The following TEX26 variants were observed in gnomAD, a reference collection of about 807,000 sequenced individuals.
TEX26 encodes testis expressed 26, also known as testis-expressed protein 26.
TEX26 carries 34 observed loss-of-function variants against 35.3 expected under a neutral mutation model. That is an observed-to-expected ratio of 0.96 (90% CI 0.73 to 1.28). The LOEUF (loss-of-function observed/expected upper bound fraction) is 1.28. Ranked by LOEUF, TEX26 falls within the 50% of genes most tolerant of loss-of-function variation. The probability of loss-of-function intolerance (pLI) is 0.00; values close to 1 mark genes in which losing one functional copy is unlikely to be tolerated. For synonymous variants in TEX26, 136 were observed against 111.8 expected (o/e 1.22, Z -1.36); for missense variants, 371 against 330.1 (o/e 1.12, Z -0.96).
intron 2 of TEX26, among the ~76,000 whole-genome samples, chr13:30,945,353 A>G (rs1006348658): frequency 1.3e-5 from 2 of 151,760 alleles, no homozygotes; most frequent in African/African-American, 4.8e-5. Flanking sequence ...GTTTTAGATC[A>G]GTCTCTTGAA....
intron 3 of TEX26, among the ~76,000 whole-genome samples, chr13:30,953,053 A>G (rs1165149280): frequency 6.6e-6 from 1 of 152,134 alleles, no homozygotes; most frequent in Non-Finnish European, 1.5e-5. Context: ...TTGAAGTGAA[A>G]TTTACGTAAT....
intron 6 of TEX26, 69 bp from the exon 7 acceptor site, chr13:30,974,777 G>A (rs1413525127): frequency 1.4e-6 from 2 of 1,421,968 alleles, no homozygotes; most frequent in Non-Finnish European, 1.9e-6. Context: ...TTCCTTCATA[G>A]AATTTCCCAA....
At chr13:30,936,010 T>C (rs765451262) in intron 1 of TEX26, among the ~76,000 whole-genome samples, 1 of 152,204 alleles carries the variant, frequency 6.6e-6, no homozygotes, top group Non-Finnish European at 1.5e-5. Flanking sequence ...GATTTCCTAA[T>C]CTCGAAATCT....
intron 4 of TEX26, among the ~76,000 whole-genome samples, chr13:30,960,443 C>T (rs947864080): frequency 2.0e-5 from 3 of 152,116 alleles, no homozygotes; most frequent in Non-Finnish European, 2.9e-5. Flanking sequence ...CAGGATTTCA[C>T]CATGTTGCCC....
chr13:30,972,259 G>A (rs931633888), intron 6 of TEX26, among the ~76,000 whole-genome samples: 4 of 152,150 alleles, frequency 2.6e-5, no homozygotes, highest in Admixed American at 2.6e-4. Context: ...AAGCAACAGT[G>A]TAAACAAAAT....
At chr13:30,969,141 GC>G in intron 6 of TEX26, 95 bp downstream of exon 6, 1 of 1,083,432 alleles carries the variant, frequency 9.2e-7, no homozygotes, top group Non-Finnish European at 1.3e-6. Context: ...GGAGTTGAAT[GC>G]CCACAAAAAT....
chr13:30,961,527 T>A (rs1954341725), intron 4 of TEX26, among the ~76,000 whole-genome samples: 1 of 79,926 alleles, frequency 1.3e-5, no homozygotes, highest in African/African-American at 3.7e-5. Flanking sequence ...CATCTACATT[T>A]GCTTTCCATT....
At chr13:30,941,567 T>G (rs1953512750) in intron 2 of TEX26, among the ~76,000 whole-genome samples, 2 of 152,154 alleles carry the variant, frequency 1.3e-5, no homozygotes, top group Non-Finnish European at 2.9e-5. Flanking sequence ...AATGGTGAGA[T>G]CTGAGATTTT....
intron 4 of TEX26, 113 bp downstream of exon 4, chr13:30,957,142 G>A: frequency 9.4e-7 from 1 of 1,061,884 alleles, no homozygotes; most frequent in East Asian, 2.4e-5. Context: ...GTCTAGGCAT[G>A]GAGACAGGCG....
intron 4 of TEX26, among the ~76,000 whole-genome samples, chr13:30,964,290 A>G (rs1037194916): frequency 5.3e-5 from 8 of 152,134 alleles, no homozygotes; most frequent in African/African-American, 1.9e-4. Flanking sequence ...CAGCAGATGT[A>G]TTCTGAGAGA....
At chr13:30,945,921 A>G (rs1418506798) in intron 2 of TEX26, among the ~76,000 whole-genome samples, 1 of 151,864 alleles carries the variant, frequency 6.6e-6, no homozygotes, top group East Asian at 1.9e-4. Context: ...CAGTCTGATG[A>G]CTATAGGCGT....
At position 30,969,066 on chromosome 13, in the gene TEX26, C is replaced by T. The variant is rs1218929698; in HGVS notation, c.808+20C>T. On this transcript the variant is annotated intron_variant, in intron 6 of 6. Coordinates refer to ENST00000380473, the MANE Select transcript of TEX26 (RefSeq NM_152325.3). ...ACAAAGGTAAGATGAGGTCTTATTT[C>T]ACACACTTACAGATCACAATACATT... is the stretch of plus-strand genomic sequence containing the variant. The T allele has an allele frequency of 5.6e-6, 9 of 1,602,894 alleles. No individual in the cohort carries two copies.
chr13:30,950,962 G>T (rs886495742), intron 2 of TEX26, among the ~76,000 whole-genome samples: 78 of 152,354 alleles, frequency 5.1e-4, no homozygotes, highest in Non-Finnish European at 2.9e-5. Context: ...TTGCAGGTTT[G>T]TTCTCAGGTG....
At position 30,939,707 on chromosome 13, in the gene TEX26, C is replaced by T. The variant is rs150916051; in HGVS notation, c.75C>T (p.Asn25=). 1 of 1,614,026 alleles carries T rather than the reference C, an allele frequency of 6.2e-7. No individual in the cohort carries two copies. Among genetic ancestry groups the T allele is most frequent in the Non-Finnish European group, 8.5e-7 (1 of 1,179,900 alleles). ...HHNLQPTDDP[N]WDSYATTMRT... is the part of the protein sequence containing the mutation. ...TTGTACTTTTAGCAGATGACCCCAACTGGGATTCCTATGCTACCACTATGA... is the reference window on the plus strand; with the variant it reads ...TTGTACTTTTAGCAGATGACCCCAATTGGGATTCCTATGCTACCACTATGA... Residue 25 remains asparagine (N), a synonymous_variant, in exon 2 of 7, where the codon AAC becomes AAT. Coordinates refer to ENST00000380473, the MANE Select transcript of TEX26 (RefSeq NM_152325.3).
At chr13:30,957,055 T>C (rs1176042724) in intron 4 of TEX26, 26 bp downstream of exon 4, 2 of 1,608,674 alleles carry the variant, frequency 1.2e-6, no homozygotes, top group East Asian at 2.2e-5. Context: ...TTTCTTTTTT[T>C]CCTGGGTCAT....
rs1338136369 is a variant in TEX26, at chr13:30,952,767, A to C, written c.254A>C (p.Asp85Ala). ...EYTWKSHSKEDLIKTETSRGI... is the reference protein window; with the variant it reads ...EYTWKSHSKEALIKTETSRGI... ...ACTTGGAAATCACACTCTAAAGAAG[A>C]TTTGATCAAAACTGAGACTTCAAGA... is the stretch of plus-strand genomic sequence containing the variant. The change falls in exon 3 of 7, where the codon GAT becomes GCT. Residue 85 changes from aspartate to alanine, a missense_variant. Physicochemically the swap from Asp to Ala is moderately radical, Grantham distance 126 (BLOSUM62 -2). Coordinates refer to ENST00000380473, the MANE Select transcript of TEX26 (RefSeq NM_152325.3). 6.8e-6 allele frequency: 11 copies of C among 1,613,012 alleles called. No homozygotes were observed. In the Admixed American group the frequency reaches 1.8e-4, roughly 27 times the overall value.
rs570457194 is a variant in TEX26 at position 30,950,668 on chromosome 13, G to A, written c.147-1992G>A. On this transcript the variant is annotated intron_variant, in intron 2 of 6. Coordinates refer to ENST00000380473, the MANE Select transcript of TEX26 (RefSeq NM_152325.3). ...ATGCTCTATGACTTAGCTAAATTCA[G>A]AGCCTCCCCACACATACCTAGTACC... Among the ~76,000 whole-genome samples, 8 of 152,230 alleles carry A rather than the reference G, an allele frequency of 5.3e-5. 1 individual carries two copies. In the South Asian group the frequency reaches 1.2e-3, roughly 24 times the overall value.
intron 4 of TEX26, among the ~76,000 whole-genome samples, chr13:30,962,739 A>T (rs1954390999): frequency 6.6e-6 from 1 of 152,256 alleles, no homozygotes; most frequent in Non-Finnish European, 1.5e-5. Flanking sequence ...TTGATGAATC[A>T]GAGCAGCTGA....
intron 2 of TEX26, among the ~76,000 whole-genome samples, chr13:30,945,793 T>C (rs1953686116): frequency 6.6e-6 from 1 of 152,024 alleles, no homozygotes; most frequent in Non-Finnish European, 1.5e-5. Flanking sequence ...GTAAGGTTTC[T>C]GCTGAAAAGT....
Sources: gnomAD v4.1 joint callset for allele counts (sites outside exome capture counted in the v4.1 genomes callset) on GRCh38, gnomAD v4.1.1 for gene constraint, MANE v1.5 for transcripts, NCBI Gene and HGNC (gene_info 2026-07-23, HGNC 2026-07-21) for gene names.